GSK3B: variants seen among roughly 807,000 people sequenced by gnomAD.
GSK3B encodes the protein glycogen synthase kinase 3 beta, also known as glycogen synthase kinase-3 beta.
Under a neutral mutation model 56.4 loss-of-function variants are expected in GSK3B, and 15 were observed. That is an observed-to-expected ratio of 0.27 (90% CI 0.18 to 0.41). The LOEUF (loss-of-function observed/expected upper bound fraction) is 0.41, where lower values mean the gene tolerates loss of function less well. Among genes scored for constraint, GSK3B ranks in the 10% least tolerant of loss-of-function variants. The pLI is 1.00. For missense variants in GSK3B, 300 were observed against 513.4 expected (o/e 0.58, Z 4.02); for synonymous variants, 181 against 188.9 (o/e 0.96, Z 0.34).
At chr3:120,041,271 G>T in intron 1 of GSK3B, 1 of 263,962 alleles carries the variant, frequency 3.8e-6, no homozygotes, top group Non-Finnish European at 7.8e-6. Flanking sequence ...CATCCCTGCA[G>T]CTAATTTTCC....
intron 3 of GSK3B, among the ~76,000 whole-genome samples, chr3:119,937,908 AAG>A (rs2057011877): frequency 6.6e-6 from 1 of 151,456 alleles, no homozygotes. Flanking sequence ...TAAAAAGAAA[AAG>A]AATTAAAATC....
chr3:119,922,615 A>C (rs2056854437), intron 4 of GSK3B, among the ~76,000 whole-genome samples: 1 of 151,366 alleles, frequency 6.6e-6, no homozygotes. Flanking sequence ...TATTATTGTG[A>C]AGCTTAAATT....
chr3:120,093,691 T>A lies in GSK3B; in HGVS notation c.-257A>T. ...TTTAGGACTTGGGAAAAAATACAAT[T>A]CTTTCCCCTCCCTTTCCTGGGAGGA... is the stretch of plus-strand genomic sequence containing the variant. On this transcript the variant is annotated 5_prime_UTR_variant, in exon 1 of 11. Coordinates refer to ENST00000264235, the MANE Select transcript of GSK3B (RefSeq NM_001146156.2). 1 of 368,756 alleles carries A rather than the reference T, an allele frequency of 2.7e-6. No homozygotes were observed. Among genetic ancestry groups the A allele is most frequent in the Non-Finnish European group, 4.9e-6 (1 of 205,330 alleles). 22.8% of individuals were successfully genotyped at this position (368,756 alleles called of 1,614,324 possible). A position where few individuals can be genotyped will look rare whatever the true frequency, so the allele number is the denominator to read the frequency against.
Position 119,916,143 on chromosome 3 carries a change from G to A in GSK3B, c.509C>T (p.Ala170Val). Residue 170 changes from alanine (A) to valine (V), a missense_variant, in exon 5 of 11, where the codon GCC becomes GTC. This residue lies in a region of GSK3B where 62 missense variants were observed against 84.0 expected (regional missense o/e 0.74). Transcript: ENST00000264235. ...GCAGATTCCAAAGGAATGGATATAG[G>A]CTAAACTTCGGAACAGCTGATACAT... is the stretch of plus-strand genomic sequence containing the variant. ...LYMYQLFRSLAYIHSFGICHR... is the reference protein window; with the variant it reads ...LYMYQLFRSLVYIHSFGICHR... 1 of 1,607,636 alleles carries A rather than the reference G, an allele frequency of 6.2e-7. No individual in the cohort carries two copies. The highest frequency in any genetic ancestry group is 2.2e-5 in the East Asian group (1 of 44,796).
Position 120,093,593 on chromosome 3 carries a change from A to C in GSK3B, c.-159T>G. The C allele has an allele frequency of 1.8e-6, 1 of 550,102 alleles. No homozygotes were observed. The highest frequency in any genetic ancestry group is 2.5e-5 in the South Asian group (1 of 39,270). The allele number at this position is 550,102 out of a possible 1,614,324, so 34.1% of individuals were successfully genotyped here. A position where few individuals can be genotyped will look rare whatever the true frequency, so the allele number is the denominator to read the frequency against. On this transcript the variant is annotated 5_prime_UTR_variant, in exon 1 of 11. Transcript: ENST00000264235. Reference sequence around the variant, plus strand: ...TCTTGGCTTTTCACTCCTTTTGTATACTATAAAAAACAAAACAAGCGATAT... The same window carrying C: ...TCTTGGCTTTTCACTCCTTTTGTATCCTATAAAAAACAAAACAAGCGATAT...
chr3:119,962,611 T>C (rs930843905), intron 2 of GSK3B, among the ~76,000 whole-genome samples: 2 of 151,940 alleles, frequency 1.3e-5, no homozygotes, highest in South Asian at 2.1e-4. Context: ...TGTTTGCATA[T>C]GAAATAGGTA....
intron 8 of GSK3B, chr3:119,866,779 A>G (rs2056189317): frequency 1.7e-6 from 1 of 581,298 alleles, no homozygotes; most frequent in Non-Finnish European, 3.0e-6. Context: ...AACTTTAAAC[A>G]TCAGTCTTCA....
At chr3:119,961,159 T>C (rs1388449466) in intron 2 of GSK3B, among the ~76,000 whole-genome samples, 1 of 151,938 alleles carries the variant, frequency 6.6e-6, no homozygotes, top group Non-Finnish European at 1.5e-5. Flanking sequence ...GATGTACCAC[T>C]CTCTCTAATC....
At chr3:119,935,661 G>C (rs1291370136) in intron 3 of GSK3B, among the ~76,000 whole-genome samples, 1 of 152,052 alleles carries the variant, frequency 6.6e-6, no homozygotes, top group Non-Finnish European at 1.5e-5. Context: ...TATCTAAATA[G>C]TTCCTATTAA....
At chr3:120,073,285 AG>A (rs2058343215) in intron 1 of GSK3B, among the ~76,000 whole-genome samples, 1 of 151,778 alleles carries the variant, frequency 6.6e-6, no homozygotes, top group Middle Eastern at 3.2e-3. Context: ...GCTAATTGAA[AG>A]GCTGATGCAA....
chr3:119,850,112 G>A (rs1038428841), intron 9 of GSK3B, among the ~76,000 whole-genome samples: 7 of 151,722 alleles, frequency 4.6e-5, no homozygotes, highest in African/African-American at 1.7e-4. Context: ...AAGGAGAGAG[G>A]GGTAACTAAT....
chr3:119,971,821 C>T (rs527622432), intron 2 of GSK3B, among the ~76,000 whole-genome samples: 5 of 151,020 alleles, frequency 3.3e-5, no homozygotes, highest in Non-Finnish European at 7.4e-5. Context: ...CCGTTTTAGC[C>T]GGGATGGTCT....
intron 9 of GSK3B, among the ~76,000 whole-genome samples, chr3:119,860,957 C>A (rs1159670090): frequency 2.0e-5 from 3 of 152,148 alleles, no homozygotes; most frequent in Non-Finnish European, 4.4e-5. Context: ...ATACCCCTCA[C>A]CCTTCACCAG....
At chr3:119,942,368 G>C (rs1347286594) in intron 3 of GSK3B, among the ~76,000 whole-genome samples, 1 of 151,928 alleles carries the variant, frequency 6.6e-6, no homozygotes, top group Non-Finnish European at 1.5e-5. Context: ...GGGCAATCTC[G>C]GCTCACTGCA....
chr3:119,923,312 G>A (rs2056861217), intron 4 of GSK3B, 61 bp downstream of exon 4: 1 of 790,746 alleles, frequency 1.3e-6, no homozygotes, highest in East Asian at 2.6e-5. Context: ...ACATAAAAGA[G>A]GCTCTCCTTG....
chr3:119,827,686 G>A (rs1559798336), intron 10 of GSK3B, among the ~76,000 whole-genome samples: 1 of 151,854 alleles, frequency 6.6e-6, no homozygotes, highest in East Asian at 1.9e-4. Flanking sequence ...CAACATGGAT[G>A]GAACTGAAGT....
chr3:119,997,366 A>G (rs2057629426), intron 2 of GSK3B, among the ~76,000 whole-genome samples: 1 of 152,188 alleles, frequency 6.6e-6, no homozygotes, highest in Admixed American at 6.5e-5. Flanking sequence ...TGGAAGATGT[A>G]TTTACATGGA....
In GSK3B at chr3:119,826,091, C is replaced by T; in HGVS notation, c.*697G>A. On this transcript the variant is annotated 3_prime_UTR_variant, in exon 11 of 11. Transcript: ENST00000264235. ...GCTTCCCCTCTGGCAGCCTCCTGTA[C>T]AAGCCTCTACATCACTAGCACTAAC... 4.4e-6 allele frequency: 1 copy of T among 226,766 alleles called. No homozygotes were observed. Among genetic ancestry groups the T allele is most frequent in the Non-Finnish European group, 8.7e-6 (1 of 114,336 alleles). 14.0% of individuals were successfully genotyped at this position (226,766 alleles called of 1,614,324 possible). A position where few individuals can be genotyped will look rare whatever the true frequency, so the allele number is the denominator to read the frequency against.
rs115162559 is a variant in GSK3B at position 119,949,544 on chromosome 3, G to A, written c.283-2193C>T. ...GTAAGGAGAGAAAGGTGGGAGTTAA[G>A]TTCAGAGAGGTAGGAGTTATGTTCA... On this transcript the variant is annotated intron_variant, in intron 2 of 10. Transcript: ENST00000264235. Among the ~76,000 whole-genome samples, 210 of 152,252 alleles carry A rather than the reference G, an allele frequency of 1.4e-3. 1 individual carries two copies. Among genetic ancestry groups the A allele is most frequent in the Middle Eastern group, 6.8e-3 (2 of 294 alleles).
Sources: gnomAD v4.1 joint callset for allele counts (sites outside exome capture counted in the v4.1 genomes callset) on GRCh38, gnomAD v4.1.1 for gene constraint, gnomAD v4.1.1 regional missense constraint, MANE v1.5 for transcripts, NCBI Gene and HGNC (gene_info 2026-07-23, HGNC 2026-07-21) for gene names.